The following LARGE1 variants were observed in gnomAD, a reference collection of about 807,000 sequenced individuals.
The protein encoded by LARGE1 is xylosyl- and glucuronyltransferase LARGE1.
A neutral mutation model predicts 87.6 loss-of-function variants in LARGE1; 43 were observed. That is an observed-to-expected ratio of 0.49 (90% CI 0.38 to 0.63). The LOEUF (loss-of-function observed/expected upper bound fraction) is 0.63, where lower values mean the gene tolerates loss of function less well. LARGE1 is among the 30% of genes least tolerant of loss of function. The pLI is 0.00. For synonymous variants in LARGE1, 434 were observed against 394.6 expected, an observed-to-expected ratio of 1.10 and a Z score of -1.18; for missense variants, 802 against 1,000.2, an observed-to-expected ratio of 0.80 and a Z score of 2.67.
At chr22:33,594,620 T>C (rs973143661) in intron 5 of LARGE1, among the ~76,000 whole-genome samples, 1 of 152,194 alleles carries the variant, frequency 6.6e-6, no homozygotes, top group Non-Finnish European at 1.5e-5. Context: ...TTGTTTTTGT[T>C]TTTTAGATGG....
At chr22:33,872,063 G>GA (rs2064305765) in intron 1 of LARGE1, among the ~76,000 whole-genome samples, 2 of 151,562 alleles carry the variant, frequency 1.3e-5, no homozygotes, top group African/African-American at 2.4e-5. Flanking sequence ...GAGTGATGGA[G>GA]GGGGTTCCTT....
intron 3 of LARGE1, among the ~76,000 whole-genome samples, chr22:33,637,380 C>T (rs751207304): frequency 2.6e-5 from 4 of 152,158 alleles, no homozygotes; most frequent in Non-Finnish European, 5.9e-5. Context: ...ACTCTGAGGC[C>T]AGCACAGACA....
chr22:33,363,203 C>T (rs1016771315), intron 9 of LARGE1, among the ~76,000 whole-genome samples: 12 of 149,710 alleles, frequency 8.0e-5, no homozygotes, highest in Non-Finnish European at 3.0e-5. Context: ...CATTCCAAAA[C>T]CCAGAATGGT....
Position 33,274,326 on chromosome 22 carries a change from C to T in LARGE1, c.*101G>A, listed in dbSNP as rs191366574. On this transcript the variant is annotated 3_prime_UTR_variant, in exon 15 of 15. Transcript: ENST00000397394. ...GCCAAAGAGATAAATAAAAACAAAC[C>T]GAAAAAGCATGGCTCAATTTTGAAT... 6.7e-4 allele frequency: 863 copies of T among 1,287,044 alleles called. 5 individuals are homozygous for T. The highest frequency in any genetic ancestry group is 8.2e-4 in the African/African-American group (56 of 68,560). The allele number at this position is 1,287,044 out of a possible 1,614,324, so 79.7% of individuals were successfully genotyped here. A position where few individuals can be genotyped will look rare whatever the true frequency, so the allele number is the denominator to read the frequency against.
At chr22:33,860,607 C>A (rs909581726) in intron 1 of LARGE1, among the ~76,000 whole-genome samples, 2 of 152,126 alleles carry the variant, frequency 1.3e-5, no homozygotes, top group Non-Finnish European at 2.9e-5. Context: ...CACTCAGCGT[C>A]CTGAGCTGTG....
At chr22:33,782,550 T>C (rs666775) in intron 1 of LARGE1, among the ~76,000 whole-genome samples, 69,192 of 151,932 alleles carry the variant, frequency 0.46, 17,432 homozygotes, top group African/African-American at 0.69. Flanking sequence ...CTTCATCACA[T>C]AGATTAGCTA....
At chr22:33,085,015 C>A in the LARGE1 span, among the ~76,000 whole-genome samples, 3 of 152,246 alleles carry the variant, frequency 2.0e-5, no homozygotes, top group African/African-American at 4.8e-5. Flanking sequence ...GTGGCTCACA[C>A]CTGTAATCCC....
chr22:33,837,253 C>CAT (rs938999614), intron 1 of LARGE1, among the ~76,000 whole-genome samples: 4 of 86,824 alleles, frequency 4.6e-5, no homozygotes, highest in African/African-American at 1.7e-4. Context: ...GAGAGTATTA[C>CAT]ATATACACAC....
intron 4 of LARGE1, 45 bp downstream of exon 4, chr22:33,626,199 G>C (rs1278637871): frequency 6.6e-7 from 1 of 1,508,650 alleles, no homozygotes; most frequent in Non-Finnish European, 9.2e-7. Flanking sequence ...TACACAGGCA[G>C]GCAGTGACAG....
At chr22:33,381,815 T>A in intron 9 of LARGE1, 104 bp downstream of exon 9, 1 of 1,457,204 alleles carries the variant, frequency 6.9e-7, no homozygotes, top group Non-Finnish European at 9.6e-7. Context: ...TGCCCTTATC[T>A]CTCTCACCAC....
At chr22:33,261,673 G>T (rs910462942) in intron 11 of LARGE1, among the ~76,000 whole-genome samples, 29 of 152,062 alleles carry the variant, frequency 1.9e-4, no homozygotes, top group African/African-American at 7.0e-4. Flanking sequence ...TGAGGAGGGT[G>T]AATTATACTG....
intron 6 of LARGE1, among the ~76,000 whole-genome samples, chr22:33,538,121 G>A (rs558007744): frequency 6.6e-6 from 1 of 152,058 alleles, no homozygotes; most frequent in Non-Finnish European, 1.5e-5. Context: ...CTTTTCCAAG[G>A]TGCTGTTTTT....
At chr22:33,535,501 C>T (rs1602302028) in intron 6 of LARGE1, among the ~76,000 whole-genome samples, 1 of 151,238 alleles carries the variant, frequency 6.6e-6, no homozygotes, top group Admixed American at 6.6e-5. Context: ...TGAGATCGCA[C>T]TACTGTACTC....
At chr22:33,341,277 C>G (rs1217819744) in intron 9 of LARGE1, among the ~76,000 whole-genome samples, 1 of 152,028 alleles carries the variant, frequency 6.6e-6, no homozygotes, top group Non-Finnish European at 1.5e-5. Context: ...CCTCACCAGA[C>G]ACCAAATCTG....
chr22:33,844,220 G>A (rs1022843090), intron 1 of LARGE1, among the ~76,000 whole-genome samples: 1 of 152,138 alleles, frequency 6.6e-6, no homozygotes, highest in African/African-American at 2.4e-5. Context: ...GTTTTATTGA[G>A]GGCAAATAAA....
the LARGE1 span, among the ~76,000 whole-genome samples, chr22:33,113,911 C>T: frequency 6.6e-6 from 1 of 151,748 alleles, no homozygotes; most frequent in Non-Finnish European, 1.5e-5. Context: ...CGCTCTATCG[C>T]CCAGGCTGGA....
intron 6 of LARGE1, among the ~76,000 whole-genome samples, chr22:33,531,926 C>A (rs971689803): frequency 1.3e-5 from 2 of 152,244 alleles, no homozygotes; most frequent in East Asian, 3.8e-4. Context: ...TTCCATGCAA[C>A]AGACACTGCA....
intron 6 of LARGE1, among the ~76,000 whole-genome samples, chr22:33,545,654 G>A (rs1210571116): frequency 6.6e-6 from 1 of 152,166 alleles, no homozygotes; most frequent in African/African-American, 2.4e-5. Flanking sequence ...GGCCAGGCTG[G>A]TCTCGAACTT....
chr22:33,279,639 C>G (rs1930043454), intron 13 of LARGE1, among the ~76,000 whole-genome samples: 1 of 152,156 alleles, frequency 6.6e-6, no homozygotes, highest in Non-Finnish European at 1.5e-5. Context: ...ACAGCAACTT[C>G]CATCAAAACC....
Sources: gnomAD v4.1 joint callset for allele counts (sites outside exome capture counted in the v4.1 genomes callset) on GRCh38, gnomAD v4.1.1 for gene constraint, MANE v1.5 for transcripts, NCBI Gene and HGNC (gene_info 2026-07-23, HGNC 2026-07-21) for gene names.